Variants in CCDC180 observed in about 807,000 individuals in gnomAD.
CCDC180 encodes coiled-coil domain-containing protein 180.
A neutral mutation model predicts 209.2 loss-of-function variants in CCDC180; 154 were observed. The ratio of observed to expected loss-of-function variants is 0.74; its 90% CI spans 0.65 to 0.84. The LOEUF (loss-of-function observed/expected upper bound fraction) is 0.84, where lower values mean the gene tolerates loss of function less well. CCDC180 is among the 40% of genes least tolerant of loss of function. The probability of loss-of-function intolerance (pLI) is 0.00; values close to 1 mark genes in which losing one functional copy is unlikely to be tolerated. For missense variants in CCDC180, 1,874 were observed against 1,997.3 expected, an observed-to-expected ratio of 0.94 and a Z score of 1.18; for synonymous variants, 778 against 749.1, an observed-to-expected ratio of 1.04 and a Z score of -0.63.
intron 9 of CCDC180, 25 bp downstream of exon 9, chr9:97,317,253 T>C (rs753668379): frequency 6.6e-7 from 1 of 1,514,128 alleles, no homozygotes; most frequent in African/African-American, 1.4e-5. Context: ...CACAGCTCCT[T>C]CTCCAGCCCA....
intron 18 of CCDC180, among the ~76,000 whole-genome samples, chr9:97,336,022 G>A (rs187878646): frequency 3.3e-5 from 5 of 152,144 alleles, no homozygotes; most frequent in Non-Finnish European, 5.9e-5. Context: ...TTTTAATGGG[G>A]TTGTTTGATT....
intron 20 of CCDC180, 37 bp from the exon 21 acceptor site, chr9:97,349,074 G>T: frequency 6.6e-7 from 1 of 1,522,068 alleles, no homozygotes; most frequent in Non-Finnish European, 8.8e-7. Flanking sequence ...AGGTGAATCG[G>T]GTCCCCGGGG....
chr9:97,323,568 CACTTGG>C (rs1161537704), intron 12 of CCDC180, among the ~76,000 whole-genome samples: 1 of 152,210 alleles, frequency 6.6e-6, no homozygotes, highest in Non-Finnish European at 1.5e-5. Context: ...CTGAGAGCAC[CACTTGG>C]GGAGCCTCCC....
At chr9:97,361,243 C>A (rs922253432) in intron 26 of CCDC180, among the ~76,000 whole-genome samples, 1 of 152,238 alleles carries the variant, frequency 6.6e-6, no homozygotes, top group Non-Finnish European at 1.5e-5. Flanking sequence ...CTCACTCAGC[C>A]TGGCATTCAC....
In CCDC180 at chr9:97,326,337, G is replaced by A. The variant is rs116069457; in HGVS notation, c.1546-217G>A. Reference sequence around the variant, plus strand: ...CTGGTTCCCTAGGGGTATGATGTGGGCAGGGAAGAACACTGCAGGCAGAGA... The same window carrying A: ...CTGGTTCCCTAGGGGTATGATGTGGACAGGGAAGAACACTGCAGGCAGAGA... On this transcript the variant is annotated intron_variant, in intron 14 of 36. Coordinates refer to ENST00000529487, the MANE Select transcript of CCDC180 (RefSeq NM_020893.6). Among the ~76,000 whole-genome samples the A allele has an allele frequency of 8.4e-3, 1,278 of 152,290 alleles. 17 individuals are homozygous for A. The highest frequency in any genetic ancestry group is 0.029 in the African/African-American group (1,194 of 41,568).
chr9:97,354,455 C>T, intron 22 of CCDC180, 114 bp from the exon 23 acceptor site: 2 of 1,046,332 alleles, frequency 1.9e-6, no homozygotes, highest in Non-Finnish European at 2.8e-6. Flanking sequence ...TTTCCCACAT[C>T]TTGAACTCTA....
rs1208872124 is a variant in CCDC180, at chr9:97,359,980, A to G, written c.3364-2A>G. 1 of 1,613,588 alleles carries G rather than the reference A, an allele frequency of 6.2e-7. No individual in the cohort carries two copies. The highest frequency in any genetic ancestry group is 1.3e-5 in the African/African-American group (1 of 74,994). On this transcript the variant is annotated splice_acceptor_variant, in intron 25 of 36. Transcript: ENST00000529487. LOFTEE classifies it high-confidence loss of function. Reference sequence around the variant, plus strand: ...GGCTTTCTTCCTCCCTTTTCTCACCAGACAGTGACCACAGAAGAACTCCTC... The same window carrying G: ...GGCTTTCTTCCTCCCTTTTCTCACCGGACAGTGACCACAGAAGAACTCCTC...
At chr9:97,364,311 G>A in intron 29 of CCDC180, 183 bp downstream of exon 29, 2 of 543,124 alleles carry the variant, frequency 3.7e-6, no homozygotes, top group Non-Finnish European at 6.4e-6. Flanking sequence ...TAAATTTGTT[G>A]AGAAACATTT....
intron 22 of CCDC180, among the ~76,000 whole-genome samples, chr9:97,352,943 A>ATG (rs199922014): frequency 0.2 from 28,878 of 147,642 alleles, 2,959 homozygotes; most frequent in East Asian, 0.3. Context: ...ACATATACGT[A>ATG]TGTATATATA....
intron 28 of CCDC180, among the ~76,000 whole-genome samples, chr9:97,362,805 G>A (rs1302786327): frequency 1.3e-5 from 2 of 152,216 alleles, no homozygotes; most frequent in Non-Finnish European, 2.9e-5. Flanking sequence ...TTTATGGAAG[G>A]TGCATATCAG....
At chr9:97,350,799 G>A (rs567083250) in intron 22 of CCDC180, among the ~76,000 whole-genome samples, 2 of 152,240 alleles carry the variant, frequency 1.3e-5, no homozygotes, top group South Asian at 4.1e-4. Flanking sequence ...CATTAAACAA[G>A]AACTCCCCAT....
intron 18 of CCDC180, 131 bp from the exon 19 acceptor site, chr9:97,343,209 C>G (rs945862596): frequency 7.0e-6 from 4 of 573,480 alleles, no homozygotes; most frequent in Non-Finnish European, 9.2e-6. Context: ...GCGAAAAAAC[C>G]TAGGCAAGAT....
chr9:97,350,322 C>A, intron 21 of CCDC180, 87 bp from the exon 22 acceptor site: 2 of 1,339,024 alleles, frequency 1.5e-6, no homozygotes, highest in South Asian at 1.4e-5. Context: ...CCTTGTCCCT[C>A]AGGCTGATCA....
chr9:97,365,506 G>C, intron 29 of CCDC180, 167 bp from the exon 30 acceptor site: 1 of 644,348 alleles, frequency 1.6e-6, no homozygotes, highest in South Asian at 1.8e-5. Flanking sequence ...GTTAGCTGCT[G>C]TTATGGAGTG....
Position 97,354,664 on chromosome 9 carries a change from GT to G in CCDC180, c.3099del (p.Ser1033ArgfsTer39). The G allele has an allele frequency of 6.2e-7, 1 of 1,614,232 alleles. No individual in the cohort carries two copies. Among genetic ancestry groups the G allele is most frequent in the Non-Finnish European group, 8.5e-7 (1 of 1,180,044 alleles). ...GCTGCCCGGATAGAGTTGGTTGAAAGTGTCATCATGCTCAACATGGAGAAGT... is the reference window on the plus strand; with the variant it reads ...GCTGCCCGGATAGAGTTGGTTGAAAGGTCATCATGCTCAACATGGAGAAGT... The part of the protein sequence containing the change: ...KEAARIELVE[S>X]VIMLNMEKLE... On this transcript the variant is annotated frameshift_variant, in exon 23 of 37. Coordinates refer to ENST00000529487, the MANE Select transcript of CCDC180 (RefSeq NM_020893.6). LOFTEE classifies it high-confidence loss of function.
intron 18 of CCDC180, among the ~76,000 whole-genome samples, chr9:97,341,582 G>A (rs1826079614): frequency 6.6e-6 from 1 of 152,148 alleles, no homozygotes; most frequent in Non-Finnish European, 1.5e-5. Context: ...GGCTGTATGA[G>A]GTGTCAGTCG....
chr9:97,350,217 A>C (rs1051147083), intron 21 of CCDC180, among the ~76,000 whole-genome samples, 192 bp from the exon 22 acceptor site: 1 of 148,820 alleles, frequency 6.7e-6, no homozygotes. Context: ...AAGGTCACCT[A>C]TCACCACCTG....
At chr9:97,323,926 C>A in intron 13 of CCDC180, 23 bp downstream of exon 13, 3 of 1,550,358 alleles carry the variant, frequency 1.9e-6, no homozygotes, top group African/African-American at 1.4e-5. Flanking sequence ...GACTGTTCCA[C>A]TGGGGAGCTG....
At position 97,329,427 on chromosome 9, in the gene CCDC180, T is replaced by C. The variant is rs146690865; in HGVS notation, c.1789-727T>C. Reference sequence around the variant, plus strand: ...AATATCCAAAACTTCACCCAGAGCCTGTGAAACAGGAAATTTGCAGGGTTT... The same window carrying C: ...AATATCCAAAACTTCACCCAGAGCCCGTGAAACAGGAAATTTGCAGGGTTT... On this transcript the variant is annotated intron_variant, in intron 16 of 36. Transcript: ENST00000529487. Among the ~76,000 whole-genome samples the C allele has an allele frequency of 3.4e-3, 520 of 152,320 alleles. 7 individuals carry two copies. The highest frequency in any genetic ancestry group is 0.012 in the African/African-American group (504 of 41,570).
Sources: allele counts gnomAD v4.1 joint callset (sites outside exome capture counted in the v4.1 genomes callset), GRCh38; gene constraint gnomAD v4.1.1; transcripts MANE v1.5; gene names NCBI Gene and HGNC (gene_info 2026-07-23, HGNC 2026-07-21).